TENM3: variants seen among roughly 807,000 people sequenced by gnomAD.
TENM3 encodes the protein teneurin-3.
A neutral mutation model predicts 255.1 loss-of-function variants in TENM3; 63 were observed. The observed-to-expected ratio is 0.25, with a 90% CI of 0.20 to 0.30. The LOEUF is 0.30. Among genes scored for constraint, TENM3 ranks in the 10% least tolerant of loss-of-function variants. The probability of loss-of-function intolerance (pLI) is 1.00; values close to 1 mark genes in which losing one functional copy is unlikely to be tolerated. For synonymous variants in TENM3, 1,306 were observed against 1,322.3 expected (o/e 0.99, Z 0.27); for missense variants, 2,929 against 3,461.1 (o/e 0.85, Z 3.86).
intron 1 of TENM3, among the ~76,000 whole-genome samples, chr4:182,293,145 C>T (rs988020991): frequency 2.0e-5 from 3 of 152,116 alleles, no homozygotes; most frequent in East Asian, 1.9e-4. Context: ...GCTGAAGAAC[C>T]GAAGCCATTA....
At chr4:181,451,033 G>A in the TENM3 span, among the ~76,000 whole-genome samples, 20,123 of 152,072 alleles carry the variant, frequency 0.13, 1,509 homozygotes, top group East Asian at 0.28. Context: ...TATCATCACC[G>A]TTTGTTCTGA....
the TENM3 span, among the ~76,000 whole-genome samples, chr4:181,981,778 A>G: frequency 2.0e-5 from 3 of 152,264 alleles, no homozygotes; most frequent in African/African-American, 4.8e-5. Context: ...TATAACAAGG[A>G]TAGGCTTTAG....
At chr4:182,461,525 T>A (rs1267853333) in intron 3 of TENM3, among the ~76,000 whole-genome samples, 1 of 152,172 alleles carries the variant, frequency 6.6e-6, no homozygotes, top group Non-Finnish European at 1.5e-5. Flanking sequence ...CCTGGGAATT[T>A]AGCATAGAAA....
At chr4:182,582,965 C>T (rs1038022651) in intron 3 of TENM3, among the ~76,000 whole-genome samples, 11 of 152,162 alleles carry the variant, frequency 7.2e-5, no homozygotes, top group Admixed American at 4.6e-4. Context: ...GATAAGTAGC[C>T]TCTAATTTTA....
chr4:181,533,072 C>A, the TENM3 span, among the ~76,000 whole-genome samples: 1 of 152,090 alleles, frequency 6.6e-6, no homozygotes, highest in Admixed American at 6.6e-5. Flanking sequence ...AGCACTGAGA[C>A]TAGCGGTAAT....
the TENM3 span, among the ~76,000 whole-genome samples, chr4:181,582,251 C>G: frequency 1.3e-5 from 2 of 151,950 alleles, no homozygotes; most frequent in Non-Finnish European, 2.9e-5. Context: ...ACATTCACAG[C>G]TGTTGTGCAT....
chr4:181,880,743 C>A, the TENM3 span, among the ~76,000 whole-genome samples: 2 of 152,002 alleles, frequency 1.3e-5, no homozygotes, highest in African/African-American at 2.4e-5. Context: ...ATATATAGAC[C>A]CTTACTTTAG....
chr4:181,683,236 A>G, the TENM3 span, among the ~76,000 whole-genome samples: 1 of 152,204 alleles, frequency 6.6e-6, no homozygotes, highest in East Asian at 1.9e-4. Context: ...CCTCGGAAAT[A>G]GCTCATTCCG....
chr4:181,539,799 A>G, the TENM3 span, among the ~76,000 whole-genome samples: 2 of 152,332 alleles, frequency 1.3e-5, no homozygotes, highest in East Asian at 3.9e-4. Context: ...GCTATAGAAT[A>G]TATGATGAAA....
At chr4:182,476,254 T>C (rs952449611) in intron 3 of TENM3, among the ~76,000 whole-genome samples, 2 of 152,184 alleles carry the variant, frequency 1.3e-5, no homozygotes, top group African/African-American at 4.8e-5. Context: ...TTCCTCTATA[T>C]CCAGAGGCAG....
chr4:182,222,189 A>G (rs753271357), intron 1 of TENM3, among the ~76,000 whole-genome samples: 11 of 152,344 alleles, frequency 7.2e-5, no homozygotes, highest in East Asian at 3.9e-4. Flanking sequence ...GATGGTATGA[A>G]TATTGATCAA....
chr4:181,646,988 G>A, the TENM3 span, among the ~76,000 whole-genome samples: 2 of 152,264 alleles, frequency 1.3e-5, no homozygotes, highest in South Asian at 4.1e-4. Flanking sequence ...TTAAAATGAC[G>A]CATTTTCGTC....
the TENM3 span, among the ~76,000 whole-genome samples, chr4:181,917,465 A>G: frequency 2.0e-5 from 3 of 151,944 alleles, no homozygotes; most frequent in African/African-American, 7.3e-5. Context: ...TCTTTTTCTC[A>G]TCTGTTTCTT....
chr4:182,035,250 A>G, the TENM3 span, among the ~76,000 whole-genome samples: 1 of 152,206 alleles, frequency 6.6e-6, no homozygotes, highest in Non-Finnish European at 1.5e-5. Context: ...AAATTTCATC[A>G]CTGCTTCTTG....
intron 3 of TENM3, among the ~76,000 whole-genome samples, chr4:182,348,629 T>C (rs944599138): frequency 2.0e-5 from 3 of 152,186 alleles, no homozygotes; most frequent in Admixed American, 6.5e-5. Context: ...AGTGTGCACT[T>C]TCCAAACAAA....
At chr4:181,637,345 C>T in the TENM3 span, among the ~76,000 whole-genome samples, 1 of 152,170 alleles carries the variant, frequency 6.6e-6, no homozygotes, top group East Asian at 1.9e-4. Context: ...TCTTTTGGCT[C>T]CCCCAGCAAC....
intron 24 of TENM3, among the ~76,000 whole-genome samples, chr4:182,780,281 C>T (rs936579420): frequency 4.2e-5 from 6 of 141,996 alleles, no homozygotes; most frequent in Non-Finnish European, 9.2e-5. Flanking sequence ...TATGGCTAGC[C>T]AGTTTTCCCA....
At chr4:181,742,584 T>C in the TENM3 span, among the ~76,000 whole-genome samples, 2 of 152,138 alleles carry the variant, frequency 1.3e-5, no homozygotes, top group African/African-American at 2.4e-5. Context: ...GATGTATGTG[T>C]GTATGTGTGG....
chr4:181,759,163 A>G, the TENM3 span, among the ~76,000 whole-genome samples: 2 of 152,124 alleles, frequency 1.3e-5, no homozygotes, highest in African/African-American at 4.8e-5. Flanking sequence ...AAAATGAGTT[A>G]AAAGAAACTT....
Sources: allele counts gnomAD v4.1 joint callset (sites outside exome capture counted in the v4.1 genomes callset), GRCh38; gene constraint gnomAD v4.1.1; transcripts MANE v1.5; gene names NCBI Gene and HGNC (gene_info 2026-07-23, HGNC 2026-07-21).